The following CLEC16A variants were observed in gnomAD, a reference collection of about 807,000 sequenced individuals.
CLEC16A encodes the protein protein CLEC16A.
In CLEC16A, 51 loss-of-function variants were observed where a neutral mutation model predicts 109.5. The observed-to-expected ratio is 0.47, with a 90% CI of 0.37 to 0.59. The LOEUF (loss-of-function observed/expected upper bound fraction) is 0.59, where lower values mean the gene tolerates loss of function less well. CLEC16A is among the 20% of genes least tolerant of loss of function. The pLI is 0.00. For synonymous variants in CLEC16A, 673 were observed against 564.2 expected (o/e 1.19, Z -2.73); for missense variants, 1,339 against 1,394.0 (o/e 0.96, Z 0.63).
At chr16:11,145,588 G>T (rs2054017875) in intron 22 of CLEC16A, among the ~76,000 whole-genome samples, 1 of 152,238 alleles carries the variant, frequency 6.6e-6, no homozygotes, top group African/African-American at 2.4e-5. Flanking sequence ...GTCGCAACAA[G>T]CCTCTCCCAT....
At chr16:11,135,521 GA>G (rs2053506278) in intron 22 of CLEC16A, among the ~76,000 whole-genome samples, 1 of 152,234 alleles carries the variant, frequency 6.6e-6, no homozygotes, top group South Asian at 2.1e-4. Flanking sequence ...GGGAGGGGAA[GA>G]AGAGAGTTCC....
Position 11,055,575 on chromosome 16 carries a change from C to CTTTTTTTTTTTTTTTTT in CLEC16A, c.1995+3949_1995+3965dup, listed in dbSNP as rs71136609. Among the ~76,000 whole-genome samples the CTTTTTTTTTTTTTTTTT allele has an allele frequency of 4.5e-4, 19 of 41,762 alleles. 5 individuals are homozygous for CTTTTTTTTTTTTTTTTT. Among genetic ancestry groups the CTTTTTTTTTTTTTTTTT allele is most frequent in the African/African-American group, 7.6e-4 (7 of 9,268 alleles). The allele number at this position is 41,762 out of a possible 152,430, so 27.4% of individuals were successfully genotyped here. A position where few individuals can be genotyped will look rare whatever the true frequency, so the allele number is the denominator to read the frequency against. ...CACGATAACGCCGTTTTCCCTCTTGCTTTTTTTTTTTTTTTTTTTTTTTTT... is the reference window on the plus strand; with the variant it reads ...CACGATAACGCCGTTTTCCCTCTTGCTTTTTTTTTTTTTTTTTTTTTTTTTTTTTTTTTTTTTTTTTT... On this transcript the variant is annotated intron_variant, in intron 18 of 23. Coordinates refer to ENST00000409790, the MANE Select transcript of CLEC16A (RefSeq NM_015226.3).
chr16:11,021,524 A>G (rs562858529), intron 12 of CLEC16A, among the ~76,000 whole-genome samples: 1 of 152,358 alleles, frequency 6.6e-6, no homozygotes, highest in African/African-American at 2.4e-5. Flanking sequence ...TAGGCCAGGC[A>G]TGGTTGTTCA....
intron 11 of CLEC16A, among the ~76,000 whole-genome samples, chr16:11,011,454 A>G (rs967541900): frequency 6.6e-6 from 1 of 151,914 alleles, no homozygotes; most frequent in Non-Finnish European, 1.5e-5. Flanking sequence ...GCCTGCAGGA[A>G]CCCTTTCAAG....
Position 10,962,518 on chromosome 16 carries a change from T to C in CLEC16A, c.273T>C (p.Arg91=), listed in dbSNP as rs778957216. 52 of 1,613,832 alleles carry C rather than the reference T, an allele frequency of 3.2e-5. No individual in the cohort carries two copies. In the Admixed American group the frequency reaches 6.0e-4, roughly 19 times the overall value. ...FLNILRQKSG[R]YVCVQLLQTL... Reference sequence around the variant, plus strand: ...ACATCTTGCGGCAAAAGTCGGGCCGTTACGTGTGCGTTCAGCTGCTGCAGA... The same window carrying C: ...ACATCTTGCGGCAAAAGTCGGGCCGCTACGTGTGCGTTCAGCTGCTGCAGA... The change falls in exon 3 of 24, where the codon CGT becomes CGC. Residue 91 remains arginine (R), a synonymous_variant. Coordinates refer to ENST00000409790, the MANE Select transcript of CLEC16A (RefSeq NM_015226.3).
At position 11,028,255 on chromosome 16, in the gene CLEC16A, A is replaced by G. The variant is rs115857465; in HGVS notation, c.1537+3334A>G. Among the ~76,000 whole-genome samples the G allele has an allele frequency of 8.7e-3, 1,327 of 152,336 alleles. 23 individuals are homozygous for G. The highest frequency in any genetic ancestry group is 0.03 in the African/African-American group (1,256 of 41,564). On this transcript the variant is annotated intron_variant, in intron 13 of 23. Transcript: ENST00000409790. ...TGTCAAGCACCTCTCATCAGAGTCTAGTTCCAAGGAAAAATTCCAGTGTTT... is the reference window on the plus strand; with the variant it reads ...TGTCAAGCACCTCTCATCAGAGTCTGGTTCCAAGGAAAAATTCCAGTGTTT...
intron 10 of CLEC16A, among the ~76,000 whole-genome samples, chr16:10,999,968 T>G (rs765242377): frequency 1.3e-5 from 2 of 152,114 alleles, no homozygotes; most frequent in Non-Finnish European, 2.9e-5. Context: ...TCCCGAGTAG[T>G]TGGGACTACA....
rs140650109 is a variant in CLEC16A at position 11,015,241 on chromosome 16, G to A, written c.1304-4952G>A. Among the ~76,000 whole-genome samples the A allele has an allele frequency of 3.9e-5, 6 of 152,222 alleles. No homozygotes were observed. The South Asian group carries it at 6.2e-4, about 16-fold the overall frequency. The stretch of plus-strand genomic sequence containing the variant: ...TGAGGACTGTGAGGTGCAGCTGTGC[G>A]CACAGGTGTCACAGCCAGGGTGTGG... On this transcript the variant is annotated intron_variant, in intron 11 of 23. Coordinates refer to ENST00000409790, the MANE Select transcript of CLEC16A (RefSeq NM_015226.3).
intron 19 of CLEC16A, among the ~76,000 whole-genome samples, chr16:11,111,563 A>G (rs2051588024): frequency 6.6e-6 from 1 of 152,238 alleles, no homozygotes; most frequent in Non-Finnish European, 1.5e-5. Context: ...ACACTATGAG[A>G]AGAACATGTA....
At chr16:11,039,961 G>C in intron 14 of CLEC16A, 85 bp downstream of exon 14, 1 of 1,486,528 alleles carries the variant, frequency 6.7e-7, no homozygotes, top group Non-Finnish European at 9.0e-7. Context: ...CTGGGTGCTA[G>C]GCCTGAGCCT....
rs2068269497 is a variant in CLEC16A at position 11,166,507 on chromosome 16, G to C, written c.2761G>C (p.Gly921Arg). The C allele has an allele frequency of 6.2e-7, 1 of 1,609,154 alleles. No homozygotes were observed. Among genetic ancestry groups the C allele is most frequent in the Non-Finnish European group, 8.5e-7 (1 of 1,179,474 alleles). The change falls in exon 23 of 24, where the codon GGC becomes CGC. Residue 921 changes from glycine (G) to arginine (R), a missense_variant. Gly to Arg is a moderately radical substitution (Grantham distance 125). Coordinates refer to ENST00000409790, the MANE Select transcript of CLEC16A (RefSeq NM_015226.3). Reference sequence around the variant, plus strand: ...GAGCACCAGCCACTGCGACTCTGGAGGCACCAGCTCGTCCTCCACCCCCTC... The same window carrying C: ...GAGCACCAGCCACTGCGACTCTGGACGCACCAGCTCGTCCTCCACCCCCTC... ...SGSTSHCDSGGTSSSSTPSTA... is the reference protein window; with the variant it reads ...SGSTSHCDSGRTSSSSTPSTA...
Position 10,969,317 on chromosome 16 carries a change from A to G in CLEC16A, c.492+8A>G. 1 of 1,593,162 alleles carries G rather than the reference A, an allele frequency of 6.3e-7. No individual in the cohort carries two copies. The highest frequency in any genetic ancestry group is 8.5e-7 in the Non-Finnish European group (1 of 1,170,720). ...CATTTCTTTTATAATGAGGTAAGTA[A>G]TTGCCAGAGGGGCACGTGTGGGTGT... On this transcript the variant is annotated splice_region_variant and intron_variant, in intron 4 of 23. Transcript: ENST00000409790.
At chr16:11,001,849 GCTGAT>G (rs1484087815) in intron 10 of CLEC16A, among the ~76,000 whole-genome samples, 1 of 152,148 alleles carries the variant, frequency 6.6e-6, no homozygotes, top group Non-Finnish European at 1.5e-5. Flanking sequence ...TCTGGGGCGA[GCTGAT>G]CTTTGACTTA....
chr16:10,972,814 A>G (rs2042855996), intron 6 of CLEC16A, 124 bp from the exon 7 acceptor site: 1 of 1,035,976 alleles, frequency 9.7e-7, no homozygotes, highest in South Asian at 1.8e-5. Flanking sequence ...AGACAATTTC[A>G]GATTATAGCA....
At chr16:10,946,883 G>C (rs2041409762) in intron 1 of CLEC16A, among the ~76,000 whole-genome samples, 1 of 152,210 alleles carries the variant, frequency 6.6e-6, no homozygotes, top group Admixed American at 6.5e-5. Flanking sequence ...GTCAGCAGCT[G>C]AAGGGTACCA....
chr16:10,968,532 T>G (rs901032640), intron 3 of CLEC16A, among the ~76,000 whole-genome samples: 2 of 152,162 alleles, frequency 1.3e-5, no homozygotes, highest in African/African-American at 2.4e-5. Flanking sequence ...CAGACCTAAG[T>G]TTGAATCCCT....
chr16:11,174,190 G>T lies in CLEC16A; in HGVS notation c.2807-4145G>T. 2.1e-6 allele frequency: 1 copy of T among 469,760 alleles called. No homozygotes were observed. 29.1% of individuals were successfully genotyped at this position (469,760 alleles called of 1,614,324 possible). A position where few individuals can be genotyped will look rare whatever the true frequency, so the allele number is the denominator to read the frequency against. The stretch of plus-strand genomic sequence containing the variant: ...AGGAAAGGACGCCGACGAGTGTTCA[G>T]CCTGTCGGAGGCCGACAGTCATGGC... On this transcript the variant is annotated intron_variant, in intron 23 of 23. Coordinates refer to ENST00000409790, the MANE Select transcript of CLEC16A (RefSeq NM_015226.3). The surrounding 1 kb of genome is among the most constrained non-coding windows in gnomAD (Gnocchi z 4.7).
chr16:11,068,531 C>T (rs993086400), intron 19 of CLEC16A, among the ~76,000 whole-genome samples: 2 of 152,196 alleles, frequency 1.3e-5, no homozygotes, highest in African/African-American at 2.4e-5. Flanking sequence ...TACTCAGCTA[C>T]CTGCCCAACA....
At chr16:10,953,955 C>T (rs1371513084) in intron 1 of CLEC16A, among the ~76,000 whole-genome samples, 5 of 143,918 alleles carry the variant, frequency 3.5e-5, no homozygotes, top group African/African-American at 1.0e-4. Context: ...CCAGCCTGGG[C>T]GACAGAGCAA....
Sources: gnomAD v4.1 joint callset for allele counts (sites outside exome capture counted in the v4.1 genomes callset) on GRCh38, gnomAD v4.1.1 for gene constraint, Gnocchi (gnomAD v3.1) non-coding constraint, MANE v1.5 for transcripts, NCBI Gene and HGNC (gene_info 2026-07-23, HGNC 2026-07-21) for gene names.